Variants in ENTREP2 observed in about 807,000 individuals in gnomAD.
ENTREP2 encodes protein ENTREP2.
At chr15:29,656,704 T>A in the ENTREP2 span, among the ~76,000 whole-genome samples, 1 of 152,096 alleles carries the variant, frequency 6.6e-6, no homozygotes. Flanking sequence ...CACCAAATGC[T>A]CGCAAGGACG....
the ENTREP2 span, among the ~76,000 whole-genome samples, chr15:29,661,053 T>C: frequency 7.1e-6 from 1 of 140,980 alleles, no homozygotes; most frequent in Non-Finnish European, 1.5e-5. Flanking sequence ...TGGTTGTAAT[T>C]ACAGCATTTT....
At chr15:29,201,817 T>C in the ENTREP2 span, among the ~76,000 whole-genome samples, 2 of 152,228 alleles carry the variant, frequency 1.3e-5, no homozygotes, top group Non-Finnish European at 2.9e-5. Context: ...GAAATGTTCC[T>C]TCTATTTTTT....
At chr15:29,377,458 G>A in the ENTREP2 span, among the ~76,000 whole-genome samples, 1 of 152,116 alleles carries the variant, frequency 6.6e-6, no homozygotes, top group South Asian at 2.1e-4. Flanking sequence ...TACTATATGA[G>A]ATGCCAGGCA....
At chr15:29,381,889 CA>C in the ENTREP2 span, 1 of 1,476,360 alleles carries the variant, frequency 6.8e-7, no homozygotes. Context: ...CATGGGCAAT[CA>C]AAACACTGTG....
the ENTREP2 span, among the ~76,000 whole-genome samples, chr15:29,509,116 CAG>C: frequency 6.6e-6 from 1 of 152,106 alleles, no homozygotes; most frequent in Non-Finnish European, 1.5e-5. Context: ...AATAGACAAA[CAG>C]AGAGCCAAAT....
chr15:29,376,210 A>G, the ENTREP2 span: 1 of 152,178 alleles, frequency 6.6e-6, no homozygotes, highest in African/African-American at 2.4e-5. Flanking sequence ...TGAATAATCT[A>G]ATATCCAGTT....
chr15:29,671,444 G>A, the ENTREP2 span, among the ~76,000 whole-genome samples: 1 of 152,156 alleles, frequency 6.6e-6, no homozygotes, highest in Non-Finnish European at 1.5e-5. Context: ...CGGTGTAGGT[G>A]ATCTTGTGGG....
At chr15:29,534,289 CT>C in the ENTREP2 span, among the ~76,000 whole-genome samples, 3 of 152,056 alleles carry the variant, frequency 2.0e-5, no homozygotes, top group Non-Finnish European at 4.4e-5. Context: ...GAAATACACA[CT>C]AAAAAGGGTT....
chr15:29,235,065 A>G, the ENTREP2 span: 11 of 1,118,888 alleles, frequency 9.8e-6, no homozygotes, highest in Non-Finnish European at 1.5e-5. Flanking sequence ...CACAGCCAGG[A>G]CAGGTCCTCC....
chr15:29,339,248 G>A, the ENTREP2 span, among the ~76,000 whole-genome samples: 1 of 152,260 alleles, frequency 6.6e-6, no homozygotes, highest in Non-Finnish European at 1.5e-5. Context: ...GCCAGTGACA[G>A]TCAAGACCCA....
the ENTREP2 span, among the ~76,000 whole-genome samples, chr15:29,343,100 C>T: frequency 6.6e-6 from 1 of 150,554 alleles, no homozygotes; most frequent in South Asian, 2.1e-4. Flanking sequence ...AGCGAAGGTA[C>T]ATATTCTACC....
chr15:29,491,122 C>G, the ENTREP2 span, among the ~76,000 whole-genome samples: 1 of 152,182 alleles, frequency 6.6e-6, no homozygotes, highest in Admixed American at 6.5e-5. Context: ...GGCCCAGGTA[C>G]TAAGCCCCTC....
the ENTREP2 span, chr15:29,123,256 G>T: frequency 5.1e-6 from 7 of 1,367,168 alleles, no homozygotes; most frequent in South Asian, 4.6e-5. Context: ...GGGCCTGAAG[G>T]CCTCTTTGTC....
At chr15:29,318,338 T>G in the ENTREP2 span, among the ~76,000 whole-genome samples, 1 of 152,100 alleles carries the variant, frequency 6.6e-6, no homozygotes, top group Non-Finnish European at 1.5e-5. Flanking sequence ...TTTTGTTTTT[T>G]GAGACGGAGT....
At chr15:29,126,258 C>G in the ENTREP2 span, 1 of 1,455,950 alleles carries the variant, frequency 6.9e-7, no homozygotes, top group South Asian at 1.4e-5. Flanking sequence ...GTGAGCCTGG[C>G]CAACCTACCT....
At chr15:29,324,357 C>T in the ENTREP2 span, among the ~76,000 whole-genome samples, 1 of 152,174 alleles carries the variant, frequency 6.6e-6, no homozygotes, top group Admixed American at 6.5e-5. Flanking sequence ...GCTAGGATTA[C>T]AGGCATGAGC....
chr15:29,234,153 G>C, the ENTREP2 span: 9 of 1,575,798 alleles, frequency 5.7e-6, no homozygotes, highest in Admixed American at 8.3e-5. Context: ...TGTCATTCTC[G>C]TTCACTCTCA....
the ENTREP2 span, among the ~76,000 whole-genome samples, chr15:29,261,641 A>T: frequency 6.6e-6 from 1 of 152,270 alleles, no homozygotes; most frequent in Admixed American, 6.5e-5. Flanking sequence ...AACTGATTTT[A>T]TACGCAACAT....
chr15:29,190,679 A>T, the ENTREP2 span, among the ~76,000 whole-genome samples: 1 of 152,126 alleles, frequency 6.6e-6, no homozygotes, highest in Non-Finnish European at 1.5e-5. Context: ...ACACAACTAA[A>T]ATCAAAGTGC....
Sources: gnomAD v4.1 joint callset for allele counts (sites outside exome capture counted in the v4.1 genomes callset) on GRCh38, gnomAD v4.1.1 for gene constraint, MANE v1.5 for transcripts, NCBI Gene and HGNC (gene_info 2026-07-23, HGNC 2026-07-21) for gene names.